Variants in AAK1 observed in about 807,000 individuals in gnomAD.
AAK1 encodes AP2-associated protein kinase 1.
In AAK1, 37 loss-of-function variants were observed where a neutral mutation model predicts 116.0. The observed-to-expected ratio is 0.32, with a 90% CI of 0.25 to 0.42. The LOEUF (loss-of-function observed/expected upper bound fraction) is 0.42. Among genes scored for constraint, AAK1 ranks in the 10% least tolerant of loss-of-function variants. The pLI is 1.00. For missense variants in AAK1, 919 were observed against 1,170.6 expected, an observed-to-expected ratio of 0.79 and a Z score of 3.14; for synonymous variants, 458 against 439.9, an observed-to-expected ratio of 1.04 and a Z score of -0.51.
At chr2:69,493,478 C>T (rs1183303936) in intron 17 of AAK1, among the ~76,000 whole-genome samples, 1 of 152,012 alleles carries the variant, frequency 6.6e-6, no homozygotes, top group African/African-American at 2.4e-5. Flanking sequence ...TGGAGCCAGT[C>T]GTCTGGTGCC....
At chr2:69,594,273 T>A (rs1022871951) in intron 2 of AAK1, among the ~76,000 whole-genome samples, 1 of 152,228 alleles carries the variant, frequency 6.6e-6, no homozygotes, top group Non-Finnish European at 1.5e-5. Context: ...CATGGACATC[T>A]GGCACCCACA....
intron 17 of AAK1, among the ~76,000 whole-genome samples, chr2:69,487,138 G>A (rs1675328263): frequency 1.3e-5 from 2 of 152,132 alleles, no homozygotes; most frequent in African/African-American, 2.4e-5. Flanking sequence ...AAAATGTAAG[G>A]ACTCTTAGAA....
At chr2:69,643,361 C>T (rs532590820) in intron 1 of AAK1, 87 bp from the exon 2 acceptor site, 2 of 1,202,160 alleles carry the variant, frequency 1.7e-6, no homozygotes, top group Admixed American at 4.0e-5. Context: ...CAAAAGCCAT[C>T]ATCCTGGGGA....
chr2:69,484,475 CAT>C (rs770069129), intron 17 of AAK1, among the ~76,000 whole-genome samples: 1 of 152,142 alleles, frequency 6.6e-6, no homozygotes, highest in Non-Finnish European at 1.5e-5. Flanking sequence ...CTACATATCT[CAT>C]TTATACCTCG....
intron 2 of AAK1, among the ~76,000 whole-genome samples, chr2:69,565,966 G>A (rs964088351): frequency 2.0e-5 from 3 of 151,272 alleles, no homozygotes; most frequent in Non-Finnish European, 4.4e-5. Flanking sequence ...GAGAGTTCGG[G>A]TACACTGTTC....
chr2:69,604,940 CCT>C (rs1673734853), intron 2 of AAK1, among the ~76,000 whole-genome samples: 1 of 152,184 alleles, frequency 6.6e-6, no homozygotes, highest in Admixed American at 6.5e-5. Flanking sequence ...CAGACTCTTC[CCT>C]CTCTGTCTCA....
At chr2:69,532,204 A>G (rs1334418315) in intron 5 of AAK1, 42 bp from the exon 6 acceptor site, 1 of 1,605,282 alleles carries the variant, frequency 6.2e-7, no homozygotes, top group Non-Finnish European at 8.5e-7. Context: ...GATATCATTT[A>G]GTAATGCACG....
chr2:69,525,888 A>C (rs1210173574), intron 9 of AAK1, among the ~76,000 whole-genome samples: 1 of 152,250 alleles, frequency 6.6e-6, no homozygotes, highest in African/African-American at 2.4e-5. Context: ...CTACAAAAGA[A>C]GACAGTCATG....
At position 69,464,014 on chromosome 2, in the gene AAK1, C is replaced by T. The variant is rs1003363690; in HGVS notation, c.*11855G>A. 2.6e-5 allele frequency: 4 copies of T among 152,544 alleles called. No individual in the cohort carries two copies. Among genetic ancestry groups the T allele is most frequent in the African/African-American group, 9.7e-5 (4 of 41,410 alleles). The allele number at this position is 152,544 out of a possible 1,614,324, so 9.4% of individuals were successfully genotyped here. ...AAAGCTAGGAATAAGTCAGATCTTT[C>T]CAGAAATAAAAGACAATTTTAAAAA... On this transcript the variant is annotated 3_prime_UTR_variant, in exon 22 of 22. Transcript: ENST00000409085.
At position 69,498,711 on chromosome 2, in the gene AAK1, G is replaced by A. The variant is rs1482508743; in HGVS notation, c.2270-2631C>T. 3.3e-5 allele frequency among the ~76,000 whole-genome samples: 5 copies of A among 152,336 alleles called. No individual in the cohort carries two copies. The South Asian group carries it at 8.3e-4, about 25-fold the overall frequency. Reference sequence around the variant, plus strand: ...CAAAGGTGGGATTGCTGGATGGACCGGCGACATTTCCAGTCCCTGGAATCT... The same window carrying A: ...CAAAGGTGGGATTGCTGGATGGACCAGCGACATTTCCAGTCCCTGGAATCT... On this transcript the variant is annotated intron_variant, in intron 16 of 21. Transcript: ENST00000409085.
chr2:69,555,064 G>A (rs954898893), intron 3 of AAK1, among the ~76,000 whole-genome samples: 4 of 152,156 alleles, frequency 2.6e-5, no homozygotes, highest in African/African-American at 7.2e-5. Context: ...TGAGCAAGAA[G>A]GGCATTCCAG....
intron 2 of AAK1, among the ~76,000 whole-genome samples, chr2:69,612,239 C>T (rs1674120363): frequency 6.6e-6 from 1 of 152,090 alleles, no homozygotes; most frequent in Admixed American, 6.5e-5. Flanking sequence ...TACTTAATGC[C>T]ATAGAACTGT....
At chr2:69,587,420 TACACA>T (rs1672832874) in intron 2 of AAK1, among the ~76,000 whole-genome samples, 1 of 151,250 alleles carries the variant, frequency 6.6e-6, no homozygotes, top group African/African-American at 2.4e-5. Flanking sequence ...TGTGTATATA[TACACA>T]TATATATACA....
At chr2:69,499,518 A>G (rs1675889134) in intron 16 of AAK1, among the ~76,000 whole-genome samples, 1 of 152,196 alleles carries the variant, frequency 6.6e-6, no homozygotes, top group Admixed American at 6.5e-5. Context: ...GAACTGTTCC[A>G]TGAAACCAAA....
intron 2 of AAK1, among the ~76,000 whole-genome samples, chr2:69,640,053 A>ACACACACTCTCT (rs1343518565): frequency 3.8e-4 from 35 of 92,788 alleles, no homozygotes; most frequent in African/African-American, 1.7e-3. Flanking sequence ...ACACACACAC[A>ACACACACTCTCT]CTCTCTCTCT....
Position 69,564,286 on chromosome 2 carries a change from A to T in AAK1, c.164-7308T>A, listed in dbSNP as rs150037109. On this transcript the variant is annotated intron_variant, in intron 2 of 21. Coordinates refer to ENST00000409085, the MANE Select transcript of AAK1 (RefSeq NM_014911.5). Reference sequence around the variant, plus strand: ...GGGTTCCTCCAAGCCCTAGGATTACAGAAGGTACTTCAGTGGCTGCACGAG... The same window carrying T: ...GGGTTCCTCCAAGCCCTAGGATTACTGAAGGTACTTCAGTGGCTGCACGAG... Among the ~76,000 whole-genome samples the T allele has an allele frequency of 5.0e-3, 763 of 152,274 alleles. 8 individuals are homozygous for T. The highest frequency in any genetic ancestry group is 0.017 in the African/African-American group (727 of 41,548).
At chr2:69,594,330 C>A (rs1459213643) in intron 2 of AAK1, among the ~76,000 whole-genome samples, 1 of 152,150 alleles carries the variant, frequency 6.6e-6, no homozygotes, top group Non-Finnish European at 1.5e-5. Context: ...CGTGTGTAGC[C>A]CCTTAGGGTA....
At chr2:69,507,639 G>T in intron 14 of AAK1, 61 bp from the exon 15 acceptor site, 4 of 1,392,516 alleles carry the variant, frequency 2.9e-6, no homozygotes, top group East Asian at 2.5e-5. Flanking sequence ...AACAAAAAGG[G>T]TCAACTTATT....
intron 2 of AAK1, among the ~76,000 whole-genome samples, chr2:69,619,964 G>C (rs1411365205): frequency 6.6e-6 from 1 of 152,200 alleles, no homozygotes; most frequent in Non-Finnish European, 1.5e-5. Context: ...CTCTGAGATG[G>C]GGAATCACTG....
Sources: allele counts gnomAD v4.1 joint callset (sites outside exome capture counted in the v4.1 genomes callset), GRCh38; gene constraint gnomAD v4.1.1; transcripts MANE v1.5; gene names NCBI Gene and HGNC (gene_info 2026-07-23, HGNC 2026-07-21).